Variants in STRN3 observed in about 807,000 individuals in gnomAD.
STRN3 encodes striatin 3, also known as striatin-3.
In STRN3, 29 loss-of-function variants were observed where a neutral mutation model predicts 95.6. That is an observed-to-expected ratio of 0.30 (90% CI 0.23 to 0.41). STRN3 has a LOEUF of 0.41. Among genes scored for constraint, STRN3 ranks in the 10% least tolerant of loss-of-function variants. The pLI, the probability that STRN3 is intolerant of heterozygous loss-of-function variation, is 1.00. For missense variants in STRN3, 890 were observed against 972.1 expected, an observed-to-expected ratio of 0.92 and a Z score of 1.12; for synonymous variants, 331 against 357.6, an observed-to-expected ratio of 0.93 and a Z score of 0.84.
intron 1 of STRN3, among the ~76,000 whole-genome samples, chr14:30,978,664 AG>A (rs1332852379): frequency 6.6e-6 from 1 of 152,220 alleles, no homozygotes; most frequent in Non-Finnish European, 1.5e-5. Context: ...AGGTAGGAAT[AG>A]AACTGTTTGC....
At chr14:30,970,475 T>C (rs186814377) in intron 1 of STRN3, among the ~76,000 whole-genome samples, 36 of 152,346 alleles carry the variant, frequency 2.4e-4, no homozygotes, top group Admixed American at 6.5e-4. Flanking sequence ...AGCTGTCAGC[T>C]AAACCAATGC....
chr14:30,990,990 G>C (rs1007475683), intron 1 of STRN3, among the ~76,000 whole-genome samples: 1 of 152,178 alleles, frequency 6.6e-6, no homozygotes, highest in Non-Finnish European at 1.5e-5. Context: ...AGCTGTACCA[G>C]AAAAGGAAGG....
At chr14:31,008,520 G>GA (rs1406154749) in intron 1 of STRN3, among the ~76,000 whole-genome samples, 1 of 151,764 alleles carries the variant, frequency 6.6e-6, no homozygotes. Context: ...AAAAATAAAT[G>GA]AATCTAAAAA....
intron 7 of STRN3, among the ~76,000 whole-genome samples, chr14:30,929,889 G>GCC (rs1425313825): frequency 7.9e-6 from 1 of 126,566 alleles, no homozygotes; most frequent in African/African-American, 3.1e-5. Flanking sequence ...TCCCACCTCT[G>GCC]CCCCACCCAC....
At chr14:30,945,036 G>A (rs755022383) in intron 5 of STRN3, among the ~76,000 whole-genome samples, 10 of 151,960 alleles carry the variant, frequency 6.6e-5, no homozygotes, top group Non-Finnish European at 5.9e-5. Context: ...GAACTCATCT[G>A]GTTTTTTCCC....
intron 1 of STRN3, among the ~76,000 whole-genome samples, chr14:30,993,194 G>A (rs1255436003): frequency 6.7e-6 from 1 of 150,254 alleles, no homozygotes; most frequent in East Asian, 1.9e-4. Flanking sequence ...GGTTGAGGTT[G>A]CAGTGAGCTA....
At chr14:30,920,897 A>AC (rs1896862322) in intron 8 of STRN3, among the ~76,000 whole-genome samples, 1 of 152,034 alleles carries the variant, frequency 6.6e-6, no homozygotes, top group Non-Finnish European at 1.5e-5. Context: ...ATCTGATCCT[A>AC]TTTTTTCTAC....
At chr14:30,909,070 T>A (rs577468567) in intron 13 of STRN3, among the ~76,000 whole-genome samples, 1 of 152,360 alleles carries the variant, frequency 6.6e-6, no homozygotes, top group South Asian at 2.1e-4. Context: ...GGACTGAATG[T>A]TCTGAATGTT....
chr14:30,941,073 G>A (rs377425814), intron 5 of STRN3, among the ~76,000 whole-genome samples: 11 of 152,098 alleles, frequency 7.2e-5, no homozygotes, highest in Non-Finnish European at 1.2e-4. Flanking sequence ...GTGGGAAGTC[G>A]GCAGTCCGCA....
intron 1 of STRN3, chr14:31,018,905 C>T (rs1249116501): frequency 1.1e-5 from 3 of 274,062 alleles, no homozygotes; most frequent in Non-Finnish European, 2.1e-5. Flanking sequence ...GGCAGATCAC[C>T]TGAGGTCGGG....
intron 1 of STRN3, among the ~76,000 whole-genome samples, chr14:31,015,141 TTTTA>T (rs1339312828): frequency 2.6e-5 from 4 of 152,014 alleles, no homozygotes; most frequent in Non-Finnish European, 5.9e-5. Context: ...TCACACCCAC[TTTTA>T]TTTATTTACT....
rs545241551 is a variant in STRN3 at position 30,967,498 on chromosome 14, G to A, written c.283-11256C>T. ...CCCTATAACACTCCAATACCATCTC[G>A]CTGTCAATGTAAACAAGGGCGTAGC... is the stretch of plus-strand genomic sequence containing the variant. On this transcript the variant is annotated intron_variant, in intron 1 of 17. Coordinates refer to ENST00000357479, the MANE Select transcript of STRN3 (RefSeq NM_001083893.2). Among the ~76,000 whole-genome samples the A allele has an allele frequency of 3.9e-5, 6 of 152,288 alleles. No individual in the cohort carries two copies. The East Asian group carries it at 7.7e-4, about 20-fold the overall frequency.
At chr14:30,898,512 A>G (rs981797287) in intron 16 of STRN3, among the ~76,000 whole-genome samples, 6 of 152,210 alleles carry the variant, frequency 3.9e-5, no homozygotes, top group African/African-American at 1.4e-4. Context: ...TCTTCTCCAC[A>G]GAGTCACAAA....
At chr14:30,919,284 A>G (rs902008919) in intron 8 of STRN3, among the ~76,000 whole-genome samples, 178 bp from the exon 9 acceptor site, 1 of 152,048 alleles carries the variant, frequency 6.6e-6, no homozygotes, top group Admixed American at 6.6e-5. Context: ...ATTGAGTTTA[A>G]ATATTTACTA....
chr14:30,947,212 C>T lies in STRN3; in HGVS notation c.594G>A (p.Gln198=). 3.1e-6 allele frequency: 5 copies of T among 1,612,102 alleles called. No homozygotes were observed. Among genetic ancestry groups the T allele is most frequent in the Non-Finnish European group, 4.2e-6 (5 of 1,179,210 alleles). ...YTDTILDVRS[Q]RVRSLLGLSN... ...ATAGTCCAAGTAATGACCTTACCCGCTGAGACCGTACATCTAATATTGTAT... is the reference window on the plus strand; with the variant it reads ...ATAGTCCAAGTAATGACCTTACCCGTTGAGACCGTACATCTAATATTGTAT... Residue 198 remains glutamine (Q), a synonymous_variant, in exon 5 of 18, where the codon CAG becomes CAA. Coordinates refer to ENST00000357479, the MANE Select transcript of STRN3 (RefSeq NM_001083893.2).
intron 1 of STRN3, among the ~76,000 whole-genome samples, chr14:31,012,712 T>C (rs1166372267): frequency 6.6e-6 from 1 of 151,866 alleles, no homozygotes; most frequent in Non-Finnish European, 1.5e-5. Context: ...AGCAACATGG[T>C]GAAACCCCGT....
intron 16 of STRN3, among the ~76,000 whole-genome samples, chr14:30,898,897 T>C (rs977887809): frequency 6.6e-6 from 1 of 152,190 alleles, no homozygotes; most frequent in Non-Finnish European, 1.5e-5. Flanking sequence ...AGATGTCAAA[T>C]GTAAACTACG....
At chr14:30,932,569 G>A (rs1878596327) in intron 7 of STRN3, among the ~76,000 whole-genome samples, 1 of 152,098 alleles carries the variant, frequency 6.6e-6, no homozygotes, top group Non-Finnish European at 1.5e-5. Context: ...GTCTCGTCTG[G>A]AAGTAAGGGA....
chr14:30,955,782 G>T, intron 2 of STRN3, 89 bp from the exon 3 acceptor site: 1 of 1,035,018 alleles, frequency 9.7e-7, no homozygotes, highest in Non-Finnish European at 1.4e-6. Flanking sequence ...AACATAATAT[G>T]AATGTCTGCT....
Sources: gnomAD v4.1 joint callset for allele counts (sites outside exome capture counted in the v4.1 genomes callset) on GRCh38, gnomAD v4.1.1 for gene constraint, MANE v1.5 for transcripts, NCBI Gene and HGNC (gene_info 2026-07-23, HGNC 2026-07-21) for gene names.